The following SNX29 variants were observed in gnomAD, a reference collection of about 807,000 sequenced individuals.
The protein encoded by SNX29 is sorting nexin-29.
SNX29 carries 78 observed loss-of-function variants against 102.1 expected under a neutral mutation model. The ratio of observed to expected loss-of-function variants is 0.76; its 90% CI spans 0.64 to 0.92. The LOEUF (loss-of-function observed/expected upper bound fraction) is 0.92, where lower values mean the gene tolerates loss of function less well. Ranked by LOEUF, SNX29 falls within the 40% of genes least tolerant of loss-of-function variation. The pLI is 0.00. For missense variants in SNX29, 1,280 were observed against 1,061.7 expected (o/e 1.21, Z -2.86); for synonymous variants, 580 against 414.5 (o/e 1.40, Z -4.85).
chr16:12,450,950 C>T (rs1377030069), intron 18 of SNX29, among the ~76,000 whole-genome samples: 1 of 152,096 alleles, frequency 6.6e-6, no homozygotes, highest in Non-Finnish European at 1.5e-5. Context: ...AGTAAGCAAA[C>T]CGAGATGAGC....
At chr16:12,047,771 C>T (rs765516849) in intron 6 of SNX29, among the ~76,000 whole-genome samples, 27 of 151,530 alleles carry the variant, frequency 1.8e-4, no homozygotes, top group Admixed American at 1.3e-3. Flanking sequence ...GATTCTCCTG[C>T]TGCAGCCTCC....
At chr16:12,219,799 C>T (rs1435656706) in intron 14 of SNX29, among the ~76,000 whole-genome samples, 1 of 152,216 alleles carries the variant, frequency 6.6e-6, no homozygotes, top group Non-Finnish European at 1.5e-5. Context: ...GCTTTGCTAC[C>T]ACCATGCAGT....
chr16:12,140,713 A>C (rs2054838855), intron 13 of SNX29, among the ~76,000 whole-genome samples: 2 of 152,134 alleles, frequency 1.3e-5, no homozygotes. Context: ...TCTAAGCGGT[A>C]GCCCGAAGGT....
chr16:12,509,889 C>T (rs1381716284), intron 19 of SNX29, among the ~76,000 whole-genome samples: 1 of 152,262 alleles, frequency 6.6e-6, no homozygotes, highest in Non-Finnish European at 1.5e-5. Flanking sequence ...TGTCCCTGTT[C>T]TCCCTGCCAC....
At chr16:12,440,133 G>A (rs919304511) in intron 18 of SNX29, among the ~76,000 whole-genome samples, 11 of 152,264 alleles carry the variant, frequency 7.2e-5, no homozygotes, top group African/African-American at 1.9e-4. Flanking sequence ...ATTGGAACAC[G>A]GCCCAGAGCA....
At chr16:12,487,290 G>A (rs2088291887) in intron 19 of SNX29, among the ~76,000 whole-genome samples, 1 of 152,174 alleles carries the variant, frequency 6.6e-6, no homozygotes, top group East Asian at 1.9e-4. Flanking sequence ...CTGTGCAGTG[G>A]GTGAGCCCGA....
At chr16:12,534,622 T>C (rs754213685) in intron 20 of SNX29, among the ~76,000 whole-genome samples, 2 of 152,174 alleles carry the variant, frequency 1.3e-5, no homozygotes, top group Non-Finnish European at 2.9e-5. Context: ...AAAAGCAAAT[T>C]CCATTCATGG....
chr16:12,267,595 C>G (rs1458135112), intron 14 of SNX29, among the ~76,000 whole-genome samples: 3 of 152,168 alleles, frequency 2.0e-5, no homozygotes, highest in Non-Finnish European at 4.4e-5. Context: ...CTGGAACCTC[C>G]CTCATCCTGC....
At chr16:12,148,370 G>A (rs1284108545) in intron 13 of SNX29, among the ~76,000 whole-genome samples, 2 of 152,194 alleles carry the variant, frequency 1.3e-5, no homozygotes, top group African/African-American at 4.8e-5. Flanking sequence ...GAGCTAAGGA[G>A]CTGTTAGGGC....
chr16:12,573,798 G>C lies in SNX29; in HGVS notation c.*5169G>C, dbSNP rs1303526924. The C allele has an allele frequency of 9.1e-6, 2 of 220,824 alleles. No individual in the cohort carries two copies. Among genetic ancestry groups the C allele is most frequent in the Admixed American group, 5.7e-5 (1 of 17,408 alleles). 13.7% of individuals were successfully genotyped at this position (220,824 alleles called of 1,614,324 possible). A position where few individuals can be genotyped will look rare whatever the true frequency, so the allele number is the denominator to read the frequency against. ...GAGACCATTAATTTCCCGGAGTGAA[G>C]GGGATGGGGGTAGAGCTAATTGGAA... On this transcript the variant is annotated 3_prime_UTR_variant, in exon 21 of 21. Transcript: ENST00000566228.
intron 18 of SNX29, among the ~76,000 whole-genome samples, chr16:12,476,183 G>A (rs1305408017): frequency 6.7e-6 from 1 of 149,514 alleles, no homozygotes; most frequent in Non-Finnish European, 1.5e-5. Flanking sequence ...TTAGCCAGGT[G>A]TGGTGGTGGG....
intron 11 of SNX29, among the ~76,000 whole-genome samples, chr16:12,121,731 G>A (rs1219652628): frequency 6.6e-6 from 1 of 152,224 alleles, no homozygotes; most frequent in Non-Finnish European, 1.5e-5. Context: ...TGGCGACAGA[G>A]GAGCCTCCAG....
chr16:12,562,412 T>C (rs923966251), intron 20 of SNX29, among the ~76,000 whole-genome samples: 1 of 152,168 alleles, frequency 6.6e-6, no homozygotes, highest in Admixed American at 6.5e-5. Flanking sequence ...ACCATACAAT[T>C]TACCCACTTA....
At chr16:12,405,400 C>A (rs1368951804) in intron 18 of SNX29, among the ~76,000 whole-genome samples, 1 of 152,186 alleles carries the variant, frequency 6.6e-6, no homozygotes, top group Non-Finnish European at 1.5e-5. Flanking sequence ...CTCTCCCCGT[C>A]CTTTACGGTG....
intron 5 of SNX29, among the ~76,000 whole-genome samples, chr16:12,045,786 G>T (rs1335818114): frequency 6.6e-6 from 1 of 151,916 alleles, no homozygotes; most frequent in Non-Finnish European, 1.5e-5. Flanking sequence ...ACCATGCCTG[G>T]CTAATTTTTT....
At chr16:12,324,932 G>C (rs1276203780) in intron 15 of SNX29, among the ~76,000 whole-genome samples, 1 of 152,130 alleles carries the variant, frequency 6.6e-6, no homozygotes, top group Non-Finnish European at 1.5e-5. Context: ...GTTTCAACCG[G>C]GACGCAAGCT....
chr16:12,420,933 A>G (rs1256008594), intron 18 of SNX29, among the ~76,000 whole-genome samples: 1 of 152,230 alleles, frequency 6.6e-6, no homozygotes, highest in East Asian at 1.9e-4. Context: ...GCAGTTTGAC[A>G]GCAAGATGGG....
At chr16:12,105,822 G>A (rs2053212832) in intron 11 of SNX29, among the ~76,000 whole-genome samples, 1 of 152,192 alleles carries the variant, frequency 6.6e-6, no homozygotes, top group African/African-American at 2.4e-5. Context: ...TTGGAAAGAA[G>A]AGATCTGCAA....
At chr16:12,562,825 C>T (rs1055978167) in intron 20 of SNX29, among the ~76,000 whole-genome samples, 5 of 152,148 alleles carry the variant, frequency 3.3e-5, no homozygotes, top group African/African-American at 7.2e-5. Context: ...CCCCAAATTT[C>T]CTAGCATTCC....
Sources: allele counts gnomAD v4.1 joint callset (sites outside exome capture counted in the v4.1 genomes callset), GRCh38; gene constraint gnomAD v4.1.1; transcripts MANE v1.5; gene names NCBI Gene and HGNC (gene_info 2026-07-23, HGNC 2026-07-21).